The following PSMD11 variants were observed in gnomAD, a reference collection of about 807,000 sequenced individuals.
The protein encoded by PSMD11 is 26S proteasome non-ATPase regulatory subunit 11.
A neutral mutation model predicts 62.3 loss-of-function variants in PSMD11; 5 were observed. The ratio of observed to expected loss-of-function variants is 0.08; its 90% CI spans 0.04 to 0.17. PSMD11 has a LOEUF of 0.17. PSMD11 is among the 10% of genes least tolerant of loss of function. PSMD11 has a pLI of 1.00. For missense variants in PSMD11, 310 were observed against 512.9 expected, an observed-to-expected ratio of 0.60 and a Z score of 3.82; for synonymous variants, 191 against 191.8, an observed-to-expected ratio of 1.00 and a Z score of 0.03.
intron 6 of PSMD11, among the ~76,000 whole-genome samples, chr17:32,472,846 T>TC (rs1567857645): frequency 6.7e-6 from 1 of 150,004 alleles, no homozygotes; most frequent in African/African-American, 2.4e-5. Context: ...CTTTTTCTTT[T>TC]TTTTTTTTTT....
intron 7 of PSMD11, 31 bp from the exon 8 acceptor site, chr17:32,474,733 A>T: frequency 6.2e-7 from 1 of 1,608,690 alleles, no homozygotes. Context: ...TAACATCTGC[A>T]GCAATTGACC....
chr17:32,460,071 T>G (rs1850355205), intron 3 of PSMD11, among the ~76,000 whole-genome samples: 3 of 152,120 alleles, frequency 2.0e-5, no homozygotes, highest in African/African-American at 7.2e-5. Context: ...GAAGTTTTAT[T>G]TATTTGAAAT....
chr17:32,480,466 G>T, intron 12 of PSMD11, 23 bp from the exon 13 acceptor site: 1 of 1,614,024 alleles, frequency 6.2e-7, no homozygotes, highest in Non-Finnish European at 8.5e-7. Context: ...CTTTTACCTG[G>T]GTTGCCCTTG....
At chr17:32,461,659 A>T (rs761664480) in intron 3 of PSMD11, among the ~76,000 whole-genome samples, 53 of 151,942 alleles carry the variant, frequency 3.5e-4, no homozygotes, top group Middle Eastern at 3.4e-3. Flanking sequence ...TCCTTGCTGT[A>T]GGAGAAACAT....
intron 9 of PSMD11, among the ~76,000 whole-genome samples, chr17:32,478,525 G>A (rs571052416): frequency 3.9e-5 from 6 of 152,276 alleles, no homozygotes; most frequent in East Asian, 3.9e-4. Context: ...ATTCCAAATA[G>A]TTCCTTGGAA....
At chr17:32,475,602 CTTT>C (rs1223197720) in intron 8 of PSMD11, among the ~76,000 whole-genome samples, 1 of 136,848 alleles carries the variant, frequency 7.3e-6, no homozygotes, top group Admixed American at 7.3e-5. Flanking sequence ...CCCTAATTGG[CTTT>C]TTTTTTTTTT....
At chr17:32,451,594 T>TA (rs1295297924) in intron 2 of PSMD11, among the ~76,000 whole-genome samples, 4 of 152,030 alleles carry the variant, frequency 2.6e-5, no homozygotes, top group Non-Finnish European at 4.4e-5. Flanking sequence ...ATAAAGAAAT[T>TA]AAAAATAAAG....
intron 1 of PSMD11, 125 bp from the exon 2 acceptor site, chr17:32,446,820 T>A (rs1432462382): frequency 2.1e-6 from 1 of 470,994 alleles, no homozygotes; most frequent in Non-Finnish European, 3.7e-6. Flanking sequence ...TTTTTTTTTT[T>A]AACTCTAGAA....
At position 32,473,827 on chromosome 17, in the gene PSMD11, G is replaced by T. The variant is rs1908243604; in HGVS notation, c.670G>T (p.Asp224Tyr). 1.2e-6 allele frequency: 2 copies of T among 1,613,748 alleles called. No homozygotes were observed. The highest frequency in any genetic ancestry group is 1.7e-5 in the Admixed American group (1 of 59,996). ...TATTATCCATGCAGCAGAAGAGAAG[G>T]ACTGGAAAACTGCGTACTCATACTT... ...SGIIHAAEEK[D>Y]WKTAYSYFYE... is the part of the protein sequence containing the mutation. The change falls in exon 7 of 14, where the codon GAC becomes TAC. Residue 224 changes from aspartate (D) to tyrosine (Y), a missense_variant. This residue lies in a region of PSMD11 where 47 missense variants were observed against 117.7 expected (regional missense o/e 0.40). Coordinates refer to ENST00000261712, the MANE Select transcript of PSMD11 (RefSeq NM_002815.4).
chr17:32,465,115 T>C (rs754233755), intron 5 of PSMD11, among the ~76,000 whole-genome samples: 8 of 150,288 alleles, frequency 5.3e-5, no homozygotes, highest in East Asian at 1.9e-4. Flanking sequence ...ATCTATCTAT[T>C]TATTATTATT....
At chr17:32,456,335 C>T (rs1304218792) in intron 3 of PSMD11, among the ~76,000 whole-genome samples, 2 of 151,980 alleles carry the variant, frequency 1.3e-5, no homozygotes, top group Non-Finnish European at 2.9e-5. Context: ...AATTATCCAT[C>T]CCCATAACCT....
Position 32,480,083 on chromosome 17 carries a change from CTG to C in PSMD11, c.1075-59_1075-58del. The C allele has an allele frequency of 1.9e-6, 3 of 1,564,108 alleles. No individual in the cohort carries two copies. In the South Asian group the frequency reaches 3.3e-5, roughly 17 times the overall value. ...GCCTAAGACCCCTCCAACAAAGCTA[CTG>C]TGTCAGGGTGATCTCTGACTAGTGG... On this transcript the variant is annotated intron_variant, in intron 11 of 13. Transcript: ENST00000261712.
intron 3 of PSMD11, among the ~76,000 whole-genome samples, chr17:32,462,178 TA>T (rs1451507786): frequency 6.6e-6 from 1 of 152,210 alleles, no homozygotes; most frequent in Non-Finnish European, 1.5e-5. Context: ...TTTATTGAAA[TA>T]AAACTTACAG....
At chr17:32,473,970 A>G (rs865859253) in intron 7 of PSMD11, 25 bp downstream of exon 7, 7 of 1,612,102 alleles carry the variant, frequency 4.3e-6, no homozygotes, top group South Asian at 3.3e-5. Context: ...ACTCTGGACT[A>G]CAAGAACTCA....
chr17:32,444,569 C>G lies in PSMD11; in HGVS notation c.46C>G (p.Leu16Val). 1 of 1,611,898 alleles carries G rather than the reference C, an allele frequency of 6.2e-7. No individual in the cohort carries two copies. The highest frequency in any genetic ancestry group is 1.3e-5 in the African/African-American group (1 of 74,876). The stretch of plus-strand genomic sequence containing the variant: ...GGAGTTCCAGAGAGCCCAGTCTCTA[C>G]TCAGCACCGACCGGGAGGCCTCCAT... ...VVEFQRAQSL[L>V]STDREASIDI... Residue 16 changes from leucine to valine, a missense_variant, in exon 1 of 14, where the codon CTC (leucine) becomes GTC (valine). Around this residue, in one of 6 missense-constraint regions of PSMD11, gnomAD observed 28 missense variants for 21.2 expected, o/e 1.32. Transcript: ENST00000261712.
At chr17:32,456,924 C>T (rs1310916208) in intron 3 of PSMD11, among the ~76,000 whole-genome samples, 2 of 152,186 alleles carry the variant, frequency 1.3e-5, no homozygotes, top group African/African-American at 4.8e-5. Context: ...GCCTTGGCCT[C>T]CCAAAGTGCT....
chr17:32,451,152 A>G (rs1329352509), intron 2 of PSMD11, among the ~76,000 whole-genome samples: 1 of 151,638 alleles, frequency 6.6e-6, no homozygotes, highest in Non-Finnish European at 1.5e-5. Context: ...AGAAAAAGAC[A>G]TGTAGGGGGA....
chr17:32,475,665 C>T (rs928188307), intron 8 of PSMD11, among the ~76,000 whole-genome samples: 5 of 148,000 alleles, frequency 3.4e-5, no homozygotes, highest in Non-Finnish European at 5.9e-5. Context: ...AGTGGCGTAT[C>T]TCGGCTCACT....
intron 1 of PSMD11, chr17:32,446,001 A>G (rs1333772786): frequency 6.6e-6 from 1 of 152,218 alleles, no homozygotes; most frequent in Non-Finnish European, 1.5e-5. Flanking sequence ...AGGAGCATGA[A>G]TTTTAATAGT....
Sources: gnomAD v4.1 joint callset for allele counts (sites outside exome capture counted in the v4.1 genomes callset) on GRCh38, gnomAD v4.1.1 for gene constraint, gnomAD v4.1.1 regional missense constraint, MANE v1.5 for transcripts, NCBI Gene and HGNC (gene_info 2026-07-23, HGNC 2026-07-21) for gene names.